The following RASA2 variants were observed in gnomAD, a reference collection of about 807,000 sequenced individuals.
RASA2 encodes RAS p21 protein activator 2.
In RASA2, 155 loss-of-function variants were observed where a neutral mutation model predicts 118.2. That is an observed-to-expected ratio of 1.31 (90% confidence interval 1.15 to 1.50). The LOEUF (loss-of-function observed/expected upper bound fraction) is 1.50, where lower values mean the gene tolerates loss of function less well. RASA2 is among the 40% of genes most tolerant of loss of function. The pLI is 0.00. For missense variants in RASA2, 1,016 were observed against 1,009.6 expected, an observed-to-expected ratio of 1.01 and a Z score of -0.09; for synonymous variants, 353 against 349.1, an observed-to-expected ratio of 1.01 and a Z score of -0.12.
At chr3:141,502,934 G>A (rs933439238) in intron 1 of RASA2, among the ~76,000 whole-genome samples, 10 of 152,132 alleles carry the variant, frequency 6.6e-5, no homozygotes, top group African/African-American at 2.2e-4. Flanking sequence ...CAGCACAGCT[G>A]TATTCAGAAA....
intron 15 of RASA2, among the ~76,000 whole-genome samples, chr3:141,577,493 G>C (rs1158781112): frequency 6.6e-6 from 1 of 151,964 alleles, no homozygotes; most frequent in Non-Finnish European, 1.5e-5. Context: ...ATTAAAATAG[G>C]TTAATTTTGC....
Position 141,573,182 on chromosome 3 carries a change from T to C in RASA2, c.1320T>C (p.Pro440=). ...CCTCAAAATCCTGTGAAATCGATCCTATTAAATTGAAAGAGGGAGATAATG... is the reference window on the plus strand; with the variant it reads ...CCTCAAAATCCTGTGAAATCGATCCCATTAAATTGAAAGAGGGAGATAATG... ...CDSSKSCEID[P]IKLKEGDNVE... The change falls in exon 13 of 24, where the codon CCT becomes CCC. Residue 440 remains proline (P), a synonymous_variant. Transcript: ENST00000286364. 2.6e-6 allele frequency: 4 copies of C among 1,542,608 alleles called. No individual in the cohort carries two copies. The highest frequency in any genetic ancestry group is 3.5e-6 in the Non-Finnish European group (4 of 1,155,146).
chr3:141,531,568 C>T (rs915504783), intron 4 of RASA2, among the ~76,000 whole-genome samples: 3 of 151,564 alleles, frequency 2.0e-5, no homozygotes, highest in South Asian at 2.1e-4. Flanking sequence ...TGTATATATA[C>T]ACATTTGAGA....
intron 3 of RASA2, among the ~76,000 whole-genome samples, chr3:141,524,625 G>A (rs1023035169): frequency 6.6e-5 from 10 of 151,856 alleles, no homozygotes; most frequent in African/African-American, 1.7e-4. Flanking sequence ...TTGCTCTGTC[G>A]CCCAGGCTGG....
Position 141,562,141 on chromosome 3 carries a change from C to T in RASA2, c.863+2146C>T, listed in dbSNP as rs112699402. 6.1e-3 allele frequency among the ~76,000 whole-genome samples: 925 copies of T among 151,568 alleles called. 14 individuals are homozygous for T. Among genetic ancestry groups the T allele is most frequent in the African/African-American group, 0.021 (864 of 41,356 alleles). On this transcript the variant is annotated intron_variant, in intron 9 of 23. Coordinates refer to ENST00000286364, the MANE Select transcript of RASA2 (RefSeq NM_006506.5). Reference sequence around the variant, plus strand: ...CTAATTTTTGTATTTTTAGTAGAGACGGGGTTTTAACTATGTTGGCCAGGC... The same window carrying T: ...CTAATTTTTGTATTTTTAGTAGAGATGGGGTTTTAACTATGTTGGCCAGGC...
At chr3:141,505,774 T>TTGTG (rs35375776) in intron 1 of RASA2, among the ~76,000 whole-genome samples, 36,943 of 150,610 alleles carry the variant, frequency 0.25, 5,094 homozygotes, top group Non-Finnish European at 0.32. Context: ...GTCTCTGTGT[T>TTGTG]TGTGTGTGTG....
intron 19 of RASA2, among the ~76,000 whole-genome samples, chr3:141,603,742 C>T (rs1037868747): frequency 1.3e-5 from 2 of 152,134 alleles, no homozygotes; most frequent in Non-Finnish European, 2.9e-5. Context: ...AACAGTCACT[C>T]CCCATTCCTC....
At chr3:141,509,788 A>G (rs964326888) in intron 1 of RASA2, among the ~76,000 whole-genome samples, 1 of 152,176 alleles carries the variant, frequency 6.6e-6, no homozygotes, top group Admixed American at 6.5e-5. Context: ...TAGTCTTTGG[A>G]GGAAGAGGAA....
intron 1 of RASA2, among the ~76,000 whole-genome samples, chr3:141,496,535 A>G (rs541959327): frequency 2.6e-5 from 4 of 152,372 alleles, no homozygotes; most frequent in Admixed American, 2.6e-4. Context: ...AAAAGAAGAC[A>G]TTTATGCAGC....
chr3:141,540,414 G>A (rs1258321721), intron 4 of RASA2, 119 bp from the exon 5 acceptor site: 15 of 686,358 alleles, frequency 2.2e-5, no homozygotes, highest in Admixed American at 9.3e-5. Context: ...ACTTAGTGTA[G>A]GCAAAGCCAT....
rs947271642 is a variant in RASA2 at position 141,613,426 on chromosome 3, C to G, written c.*1113C>G. On this transcript the variant is annotated 3_prime_UTR_variant, in exon 24 of 24. Coordinates refer to ENST00000286364, the MANE Select transcript of RASA2 (RefSeq NM_006506.5). Reference sequence around the variant, plus strand: ...ATTTGGGCAAGCAACTCTTTGAAGACTTTTTTACCCTAGAAATTTACTTTT... The same window carrying G: ...ATTTGGGCAAGCAACTCTTTGAAGAGTTTTTTACCCTAGAAATTTACTTTT... 6.6e-6 allele frequency: 1 copy of G among 152,144 alleles called. No individual in the cohort carries two copies. Among genetic ancestry groups the G allele is most frequent in the Non-Finnish European group, 1.5e-5 (1 of 68,014 alleles). The allele number at this position is 152,144 out of a possible 1,614,324, so 9.4% of individuals were successfully genotyped here. A position where few individuals can be genotyped will look rare whatever the true frequency, so the allele number is the denominator to read the frequency against.
At chr3:141,507,503 A>G (rs1189318429) in intron 1 of RASA2, among the ~76,000 whole-genome samples, 1 of 152,106 alleles carries the variant, frequency 6.6e-6, no homozygotes, top group Non-Finnish European at 1.5e-5. Flanking sequence ...TGAAACTGTA[A>G]CTTTTAGATG....
At chr3:141,534,225 A>G (rs2082296871) in intron 4 of RASA2, among the ~76,000 whole-genome samples, 1 of 152,164 alleles carries the variant, frequency 6.6e-6, no homozygotes. Flanking sequence ...ACAGTGATAA[A>G]AAGCATACTT....
chr3:141,522,048 T>G (rs1272645204), intron 3 of RASA2, among the ~76,000 whole-genome samples: 1 of 152,266 alleles, frequency 6.6e-6, no homozygotes, highest in East Asian at 1.9e-4. Flanking sequence ...CTTAAGATCT[T>G]AGATTCAGTA....
chr3:141,518,210 GGTGCA>G (rs1477396503), intron 3 of RASA2, among the ~76,000 whole-genome samples: 4 of 151,638 alleles, frequency 2.6e-5, no homozygotes, highest in African/African-American at 9.7e-5. Context: ...TATTTGGCCA[GGTGCA>G]GTGGCTCATG....
At chr3:141,579,485 C>T (rs2083067781) in intron 15 of RASA2, 2 of 152,130 alleles carry the variant, frequency 1.3e-5, no homozygotes, top group Admixed American at 1.3e-4. Flanking sequence ...AATAATCACC[C>T]TCTGGTAAGA....
At chr3:141,610,210 C>A in intron 23 of RASA2, 144 bp downstream of exon 23, 1 of 549,850 alleles carries the variant, frequency 1.8e-6, no homozygotes, top group Non-Finnish European at 2.9e-6. Flanking sequence ...TCCCTGGCCA[C>A]TCCAAGTGCT....
In RASA2 at chr3:141,487,080, C is replaced by G; in HGVS notation, c.-4C>G. The G allele has an allele frequency of 7.4e-7, 1 of 1,343,926 alleles. No homozygotes were observed. Among genetic ancestry groups the G allele is most frequent in the Non-Finnish European group, 9.7e-7 (1 of 1,034,746 alleles). The allele number at this position is 1,343,926 out of a possible 1,614,324, so 83.3% of individuals were successfully genotyped here. On this transcript the variant is annotated 5_prime_UTR_variant, in exon 1 of 24. Transcript: ENST00000286364. ...CAGGGCTGCGGCACGGGCCGGGCGG[C>G]ACCATGGCGGCGGCGGCGCCTGCTG...
chr3:141,558,486 AAG>A (rs1339178508), intron 7 of RASA2, among the ~76,000 whole-genome samples: 1 of 152,142 alleles, frequency 6.6e-6, no homozygotes, highest in African/African-American at 2.4e-5. Flanking sequence ...TGTGGTGATG[AAG>A]AGAGATTTTA....
Sources: gnomAD v4.1 joint callset for allele counts (sites outside exome capture counted in the v4.1 genomes callset) on GRCh38, gnomAD v4.1.1 for gene constraint, MANE v1.5 for transcripts, NCBI Gene and HGNC (gene_info 2026-07-23, HGNC 2026-07-21) for gene names.